Variants in ARNT2 observed in about 807,000 individuals in gnomAD.
ARNT2 encodes aryl hydrocarbon receptor nuclear translocator 2.
ARNT2 carries 36 observed loss-of-function variants against 91.7 expected under a neutral mutation model. The ratio of observed to expected loss-of-function variants is 0.39; its 90% CI spans 0.30 to 0.52. The LOEUF (loss-of-function observed/expected upper bound fraction) is 0.52, where lower values mean the gene tolerates loss of function less well. Among genes scored for constraint, ARNT2 ranks in the 20% least tolerant of loss-of-function variants. The pLI is 0.72. For synonymous variants in ARNT2, 365 were observed against 347.1 expected (o/e 1.05, Z -0.57); for missense variants, 775 against 939.3 (o/e 0.83, Z 2.29).
intron 12 of ARNT2, among the ~76,000 whole-genome samples, chr15:80,572,782 A>G (rs114954351): frequency 0.016 from 2,482 of 152,334 alleles, 65 homozygotes; most frequent in African/African-American, 0.057. Context: ...TTGCTCACCC[A>G]CATAGTTTGT....
intron 8 of ARNT2, among the ~76,000 whole-genome samples, chr15:80,542,256 T>C (rs1274190626): frequency 6.6e-6 from 1 of 152,216 alleles, no homozygotes; most frequent in Non-Finnish European, 1.5e-5. Context: ...AGCTTGTTAT[T>C]TTAACATTAT....
intron 8 of ARNT2, among the ~76,000 whole-genome samples, chr15:80,544,370 T>C (rs530139349): frequency 3.3e-4 from 50 of 152,290 alleles, no homozygotes; most frequent in African/African-American, 1.1e-3. Context: ...ACCAGGCTTG[T>C]CGTATTTGTT....
intron 5 of ARNT2, among the ~76,000 whole-genome samples, chr15:80,498,089 G>T (rs1897144070): frequency 6.6e-6 from 1 of 152,114 alleles, no homozygotes; most frequent in Admixed American, 6.5e-5. Flanking sequence ...GCTTTTCTTT[G>T]GAAGAATGGA....
At position 80,457,422 on chromosome 15, in the gene ARNT2, T is replaced by A. The variant is rs917516623; in HGVS notation, c.147-507T>A. Among the ~76,000 whole-genome samples the A allele has an allele frequency of 4.6e-5, 7 of 152,306 alleles. 1 individual carries two copies. On this transcript the variant is annotated intron_variant, in intron 2 of 18. Coordinates refer to ENST00000303329, the MANE Select transcript of ARNT2 (RefSeq NM_014862.4). Reference sequence around the variant, plus strand: ...CCACATTTTTAAGCAGTACAACCGGTAGTATTTCTCTTTCCCTTGTGATCC... The same window carrying A: ...CCACATTTTTAAGCAGTACAACCGGAAGTATTTCTCTTTCCCTTGTGATCC...
intron 8 of ARNT2, among the ~76,000 whole-genome samples, chr15:80,530,793 G>A (rs1269764913): frequency 6.6e-6 from 1 of 152,130 alleles, no homozygotes; most frequent in African/African-American, 2.4e-5. Context: ...AGTACCTACT[G>A]ATAAGTACTC....
intron 14 of ARNT2, among the ~76,000 whole-genome samples, chr15:80,575,315 A>C (rs1352541367): frequency 6.6e-6 from 1 of 152,222 alleles, no homozygotes; most frequent in Non-Finnish European, 1.5e-5. Context: ...GGGTATGGTA[A>C]CTAAACTTTA....
intron 8 of ARNT2, among the ~76,000 whole-genome samples, chr15:80,520,633 G>A (rs774525999): frequency 7.2e-5 from 11 of 152,052 alleles, no homozygotes; most frequent in Non-Finnish European, 1.6e-4. Flanking sequence ...GTCATGGTAT[G>A]TTTACTACCT....
rs1432698764 is a variant in ARNT2, at chr15:80,593,724, G to C, written c.*26G>C. 6.4e-7 allele frequency: 1 copy of C among 1,569,024 alleles called. No homozygotes were observed. The highest frequency in any genetic ancestry group is 1.7e-4 in the Middle Eastern group (1 of 5,998). On this transcript the variant is annotated 3_prime_UTR_variant, in exon 19 of 19. Transcript: ENST00000303329. ...CTGCGGCCAGAGTGAGGCTCCTGCTGTACAGTGCCACCCATACTGTGATGT... is the reference window on the plus strand; with the variant it reads ...CTGCGGCCAGAGTGAGGCTCCTGCTCTACAGTGCCACCCATACTGTGATGT...
intron 17 of ARNT2, among the ~76,000 whole-genome samples, chr15:80,582,599 G>A (rs374490263): frequency 1.4e-4 from 21 of 152,200 alleles, no homozygotes; most frequent in East Asian, 1.4e-3. Context: ...ACAGCAGCAC[G>A]TCCGTCCCAC....
intron 1 of ARNT2, among the ~76,000 whole-genome samples, chr15:80,443,453 CAGGGGCGTCCTG>C (rs1427523155): frequency 1.3e-5 from 2 of 151,794 alleles, no homozygotes; most frequent in African/African-American, 2.4e-5. Context: ...GCAGGAAGGT[CAGGGGCGTCCTG>C]AGGCAGGCCA....
intron 1 of ARNT2, among the ~76,000 whole-genome samples, chr15:80,442,260 T>C (rs1175301718): frequency 6.6e-6 from 1 of 152,176 alleles, no homozygotes; most frequent in African/African-American, 2.4e-5. Flanking sequence ...CGTACTTCGT[T>C]CCTCCCAGAG....
chr15:80,496,136 C>G (rs1233951722), intron 5 of ARNT2, among the ~76,000 whole-genome samples: 2 of 152,104 alleles, frequency 1.3e-5, no homozygotes, highest in African/African-American at 4.8e-5. Context: ...TGCTCTCTAC[C>G]CAGTCTCTAC....
chr15:80,563,136 A>T lies in ARNT2; in HGVS notation c.1213A>T (p.Thr405Ser), dbSNP rs1292544654. ...QVLSVMYRFR[T>S]KNREWMLIRT... ...CCTGTCGGTCATGTATCGATTTCGCACCAAGAACCGGGAGTGGATGTTGAT... is the reference window on the plus strand; with the variant it reads ...CCTGTCGGTCATGTATCGATTTCGCTCCAAGAACCGGGAGTGGATGTTGAT... The change falls in exon 12 of 19, where the codon ACC becomes TCC. Residue 405 changes from threonine (T) to serine (S), a missense_variant. Transcript: ENST00000303329. The T allele has an allele frequency of 1.2e-6, 2 of 1,614,136 alleles. No homozygotes were observed. The highest frequency in any genetic ancestry group is 4.5e-5 in the East Asian group (2 of 44,876).
At chr15:80,586,533 C>T (rs1898904401) in intron 17 of ARNT2, among the ~76,000 whole-genome samples, 1 of 152,158 alleles carries the variant, frequency 6.6e-6, no homozygotes, top group African/African-American at 2.4e-5. Context: ...GCCTGCCCCA[C>T]CTAGCCCATA....
chr15:80,445,271 T>C (rs1044152813), intron 1 of ARNT2: 1 of 147,444 alleles, frequency 6.8e-6, no homozygotes, highest in Non-Finnish European at 1.5e-5. Flanking sequence ...TGTGTGTTGA[T>C]ATGGGGTGTG....
intron 1 of ARNT2, among the ~76,000 whole-genome samples, chr15:80,405,826 C>T (rs1895592381): frequency 6.6e-6 from 1 of 152,040 alleles, no homozygotes; most frequent in African/African-American, 2.4e-5. Context: ...GACTTTCTCT[C>T]TCCACATTAA....
intron 8 of ARNT2, among the ~76,000 whole-genome samples, chr15:80,518,437 C>A (rs547477256): frequency 2.2e-4 from 34 of 152,008 alleles, no homozygotes; most frequent in Non-Finnish European, 4.3e-4. Flanking sequence ...TGCACCACCA[C>A]AGCCAGCTAA....
intron 1 of ARNT2, among the ~76,000 whole-genome samples, chr15:80,449,367 G>T (rs923313615): frequency 6.6e-6 from 1 of 152,196 alleles, no homozygotes; most frequent in Admixed American, 6.5e-5. Flanking sequence ...GACTCAATGT[G>T]TTTTAGCCTC....
chr15:80,540,348 T>A (rs186683864), intron 8 of ARNT2, among the ~76,000 whole-genome samples: 2 of 152,336 alleles, frequency 1.3e-5, no homozygotes, highest in East Asian at 3.9e-4. Context: ...ATGATAGCCA[T>A]CTTAATGGGT....
Sources: allele counts gnomAD v4.1 joint callset (sites outside exome capture counted in the v4.1 genomes callset), GRCh38; gene constraint gnomAD v4.1.1; transcripts MANE v1.5; gene names NCBI Gene and HGNC (gene_info 2026-07-23, HGNC 2026-07-21).